The following HAPLN3 variants were observed in gnomAD, a reference collection of about 807,000 sequenced individuals.
HAPLN3 encodes the protein extracellular link domain containing, 1.
HAPLN3 carries 28 observed loss-of-function variants against 28.1 expected under a neutral mutation model. The observed-to-expected ratio is 1.00, with a 90% CI of 0.74 to 1.37. HAPLN3 has a LOEUF of 1.37. Ranked by LOEUF, HAPLN3 falls within the 40% of genes most tolerant of loss-of-function variation. The probability of loss-of-function intolerance (pLI) is 0.00; values close to 1 mark genes in which losing one functional copy is unlikely to be tolerated. For missense variants in HAPLN3, 513 were observed against 504.6 expected, an observed-to-expected ratio of 1.02 and a Z score of -0.16; for synonymous variants, 211 against 213.1, an observed-to-expected ratio of 0.99 and a Z score of 0.09.
At chr15:88,894,282 G>T (rs914933559) in intron 1 of HAPLN3, among the ~76,000 whole-genome samples, 14 of 152,310 alleles carry the variant, frequency 9.2e-5, no homozygotes, top group East Asian at 3.9e-4. Context: ...GAAAGTTCAG[G>T]TTTCCTGATG....
chr15:88,885,275 G>T (rs903334558), intron 2 of HAPLN3, among the ~76,000 whole-genome samples: 13 of 152,240 alleles, frequency 8.5e-5, no homozygotes, highest in African/African-American at 3.1e-4. Context: ...AGTGGAACAA[G>T]TTTGTTGTTG....
intron 2 of HAPLN3, among the ~76,000 whole-genome samples, chr15:88,885,332 G>T (rs1897820556): frequency 6.6e-6 from 1 of 152,218 alleles, no homozygotes; most frequent in South Asian, 2.1e-4. Flanking sequence ...CTGGAGTGCA[G>T]TGGTGTGATC....
Position 88,880,204 on chromosome 15 carries a change from G to A in HAPLN3, c.494-935C>T. 1 of 995,234 alleles carries A rather than the reference G, an allele frequency of 1.0e-6. No homozygotes were observed. The highest frequency in any genetic ancestry group is 1.2e-6 in the Non-Finnish European group (1 of 836,338). 61.7% of individuals were successfully genotyped at this position (995,234 alleles called of 1,614,324 possible). On this transcript the variant is annotated intron_variant, in intron 3 of 4. Coordinates refer to ENST00000359595, the MANE Select transcript of HAPLN3 (RefSeq NM_178232.4). This position sits in a 1 kb window ranked among gnomAD's most constrained non-coding sequence, Gnocchi z 6.0. ...GTTCCACCCCAAATTCCTAGCCCTT[G>A]AAGCCCCGGGAATGGGGTGAGGGCT... is the stretch of plus-strand genomic sequence containing the variant.
intron 1 of HAPLN3, among the ~76,000 whole-genome samples, chr15:88,889,720 C>T (rs1416640332): frequency 6.6e-6 from 1 of 152,218 alleles, no homozygotes; most frequent in African/African-American, 2.4e-5. Context: ...AGACACTTCC[C>T]TGCAGGGGCT....
intron 2 of HAPLN3, among the ~76,000 whole-genome samples, chr15:88,885,818 C>T (rs1254898593): frequency 6.6e-6 from 1 of 151,978 alleles, no homozygotes; most frequent in Non-Finnish European, 1.5e-5. Context: ...AACTCCTGAC[C>T]TCAAGTGATC....
rs1015178444 is a variant in HAPLN3, at chr15:88,888,349, C to T, written c.-47-1004G>A. Among the ~76,000 whole-genome samples the T allele has an allele frequency of 1.3e-5, 2 of 152,070 alleles. No homozygotes were observed. Among genetic ancestry groups the T allele is most frequent in the African/African-American group, 4.8e-5 (2 of 41,408 alleles). ...CTAGTGATCAGCCCGCCTCGGCCTC[C>T]CAAAGTGCTGAGATTACAGGCATAA... On this transcript the variant is annotated intron_variant, in intron 1 of 4. Transcript: ENST00000359595. The surrounding 1 kb of genome is among the most constrained non-coding windows in gnomAD (Gnocchi z 4.1).
intron 2 of HAPLN3, among the ~76,000 whole-genome samples, chr15:88,886,642 T>C (rs1897863883): frequency 6.6e-6 from 1 of 151,678 alleles, no homozygotes; most frequent in Non-Finnish European, 1.5e-5. Flanking sequence ...CTGGCCAACA[T>C]GGTGAAACCC....
Position 88,881,130 on chromosome 15 carries a change from C to A in HAPLN3, c.493+227G>T. On this transcript the variant is annotated intron_variant, in intron 3 of 4. Transcript: ENST00000359595. The surrounding 1 kb of genome is among the most constrained non-coding windows in gnomAD (Gnocchi z 6.0). Reference sequence around the variant, plus strand: ...AGGCTGGGTGCTTGGGTTCAGACCCCAGCTCTGTCGTTTACAAGCTGTGTG... The same window carrying A: ...AGGCTGGGTGCTTGGGTTCAGACCCAAGCTCTGTCGTTTACAAGCTGTGTG... 1.7e-6 allele frequency: 1 copy of A among 587,430 alleles called. No homozygotes were observed. The highest frequency in any genetic ancestry group is 3.0e-6 in the Non-Finnish European group (1 of 338,868). 36.4% of individuals were successfully genotyped at this position (587,430 alleles called of 1,614,324 possible).
chr15:88,886,382 C>T (rs1029565823), intron 2 of HAPLN3, among the ~76,000 whole-genome samples: 1 of 151,540 alleles, frequency 6.6e-6, no homozygotes, highest in Non-Finnish European at 1.5e-5. Flanking sequence ...TATTTTCACC[C>T]TTGCCTACAT....
In HAPLN3 at chr15:88,878,083, G is replaced by T. The variant is rs1005025836; in HGVS notation, c.970C>A (p.Pro324Thr). Residue 324 changes from proline (P) to threonine (T), a missense_variant, in exon 5 of 5, where the codon CCT becomes ACT. Coordinates refer to ENST00000359595, the MANE Select transcript of HAPLN3 (RefSeq NM_178232.4). ...CAGTTAGGATGCGGGTGAACCACAG[G>T]GTAGCGGACGCTACCATCTGCCAGC... ...GWLADGSVRY[P>T]VVHPHPNCGP... 3 of 1,613,908 alleles carry T rather than the reference G, an allele frequency of 1.9e-6. No individual in the cohort carries two copies. Among genetic ancestry groups the T allele is most frequent in the African/African-American group, 2.7e-5 (2 of 74,904 alleles).
rs61374892 is a variant in HAPLN3, at chr15:88,889,511, T to C, written c.-47-2166A>G. On this transcript the variant is annotated intron_variant, in intron 1 of 4. Coordinates refer to ENST00000359595, the MANE Select transcript of HAPLN3 (RefSeq NM_178232.4). ...CCAACATGCCCCATTAATTTTTGTA[T>C]TTTTTGTAGAGACGGGGTTTCACCA... 3.9e-4 allele frequency among the ~76,000 whole-genome samples: 60 copies of C among 152,296 alleles called. No individual in the cohort carries two copies. The East Asian group carries it at 9.6e-3, about 24-fold the overall frequency.
chr15:88,892,421 C>T (rs925199757), intron 1 of HAPLN3, among the ~76,000 whole-genome samples: 16 of 151,968 alleles, frequency 1.1e-4, no homozygotes, highest in African/African-American at 3.6e-4. Flanking sequence ...CACACCTTTG[C>T]ACTCCAGCCT....
chr15:88,881,699 C>T lies in HAPLN3; in HGVS notation c.151G>A (p.Val51Met). Reference protein sequence around the residue: ...KDLLNGVKLVVETPEETLFTY... With the variant: ...KDLLNGVKLVMETPEETLFTY... ...AACAGGGTCTCCTCGGGTGTCTCCA[C>T]CACCAGCTTCACTCCATTAAGGAGG... is the stretch of plus-strand genomic sequence containing the variant. Residue 51 changes from valine (V) to methionine (M), a missense_variant, in exon 3 of 5, where the codon GTG becomes ATG. Val to Met is a conservative substitution (Grantham distance 21). Transcript: ENST00000359595. This position sits in a 1 kb window ranked among gnomAD's most constrained non-coding sequence, Gnocchi z 6.0. 3 of 1,613,018 alleles carry T rather than the reference C, an allele frequency of 1.9e-6. No homozygotes were observed. The highest frequency in any genetic ancestry group is 1.3e-5 in the African/African-American group (1 of 75,038).
chr15:88,891,737 G>A (rs566332541), intron 1 of HAPLN3, among the ~76,000 whole-genome samples: 2 of 152,170 alleles, frequency 1.3e-5, no homozygotes, highest in African/African-American at 4.8e-5. Flanking sequence ...GCTAGGATTC[G>A]AACCCACTCC....
intron 2 of HAPLN3, among the ~76,000 whole-genome samples, chr15:88,884,357 G>A (rs556959310): frequency 6.6e-6 from 1 of 152,290 alleles, no homozygotes; most frequent in Admixed American, 6.5e-5. Flanking sequence ...GCGGTCAGGA[G>A]ATCGAGACCA....
rs1277653953 is a variant in HAPLN3 at position 88,888,648 on chromosome 15, C to T, written c.-47-1303G>A. Among the ~76,000 whole-genome samples the T allele has an allele frequency of 2.0e-5, 3 of 152,186 alleles. No individual in the cohort carries two copies. Among genetic ancestry groups the T allele is most frequent in the Non-Finnish European group, 4.4e-5 (3 of 68,038 alleles). Reference sequence around the variant, plus strand: ...TCACCTGCCATTTACTGCGTGCTCTCAACAATTAAAAGATGGGGTCACTCC... The same window carrying T: ...TCACCTGCCATTTACTGCGTGCTCTTAACAATTAAAAGATGGGGTCACTCC... On this transcript the variant is annotated intron_variant, in intron 1 of 4. Transcript: ENST00000359595. This position sits in a 1 kb window ranked among gnomAD's most constrained non-coding sequence, Gnocchi z 4.1.
chr15:88,881,139 C>T lies in HAPLN3; in HGVS notation c.493+218G>A, dbSNP rs922477129. The T allele has an allele frequency of 4.6e-5, 28 of 603,256 alleles. No individual in the cohort carries two copies. The highest frequency in any genetic ancestry group is 3.9e-4 in the African/African-American group (21 of 53,728). The allele number at this position is 603,256 out of a possible 1,614,324, so 37.4% of individuals were successfully genotyped here. ...GCTTGGGTTCAGACCCCAGCTCTGT[C>T]GTTTACAAGCTGTGTGACCTTAGGT... is the stretch of plus-strand genomic sequence containing the variant. On this transcript the variant is annotated intron_variant, in intron 3 of 4. Coordinates refer to ENST00000359595, the MANE Select transcript of HAPLN3 (RefSeq NM_178232.4). This position sits in a 1 kb window ranked among gnomAD's most constrained non-coding sequence, Gnocchi z 6.0.
intron 1 of HAPLN3, 26 bp from the exon 2 acceptor site, chr15:88,887,371 A>G (rs755211214): frequency 1.3e-6 from 2 of 1,582,184 alleles, no homozygotes; most frequent in Admixed American, 1.8e-5. Flanking sequence ...AAACAAGGCA[A>G]TTAGAAAAGC....
intron 1 of HAPLN3, among the ~76,000 whole-genome samples, chr15:88,889,532 C>T (rs1174550794): frequency 6.6e-6 from 1 of 152,130 alleles, no homozygotes; most frequent in Non-Finnish European, 1.5e-5. Context: ...GACGGGGTTT[C>T]ACCATGTTAG....
Sources: allele counts gnomAD v4.1 joint callset (sites outside exome capture counted in the v4.1 genomes callset), GRCh38; gene constraint gnomAD v4.1.1; non-coding constraint Gnocchi (gnomAD v3.1); transcripts MANE v1.5; gene names NCBI Gene and HGNC (gene_info 2026-07-23, HGNC 2026-07-21).